Variants in TET3 observed in about 807,000 individuals in gnomAD.
The protein encoded by TET3 is tet methylcytosine dioxygenase 3.
Under a neutral mutation model 141.4 loss-of-function variants are expected in TET3, and 19 were observed. The observed-to-expected ratio is 0.13, with a 90% CI of 0.09 to 0.20. TET3 has a LOEUF of 0.20. Among genes scored for constraint, TET3 ranks in the 10% least tolerant of loss-of-function variants. The pLI is 1.00. For missense variants in TET3, 1,874 were observed against 2,356.9 expected, an observed-to-expected ratio of 0.80 and a Z score of 4.24; for synonymous variants, 1,043 against 980.9, an observed-to-expected ratio of 1.06 and a Z score of -1.18.
chr2:74,084,752 C>G (rs1447565744), intron 6 of TET3, among the ~76,000 whole-genome samples: 2 of 152,006 alleles, frequency 1.3e-5, no homozygotes, highest in Non-Finnish European at 2.9e-5. Flanking sequence ...CGCACCCAGC[C>G]CAGTGAGACC....
chr2:74,131,082 T>A, the TET3 span, among the ~76,000 whole-genome samples: 1 of 151,868 alleles, frequency 6.6e-6, no homozygotes, highest in East Asian at 1.9e-4. Flanking sequence ...CTGGTCTCGG[T>A]GCCTCCGCTC....
chr2:74,034,739 A>G (rs570255884), intron 3 of TET3, among the ~76,000 whole-genome samples: 1 of 152,280 alleles, frequency 6.6e-6, no homozygotes, highest in East Asian at 1.9e-4. Context: ...GCTGCCATGA[A>G]AATTTCTGTA....
At chr2:74,015,275 G>A (rs1307823626) in intron 3 of TET3, among the ~76,000 whole-genome samples, 4 of 152,244 alleles carry the variant, frequency 2.6e-5, no homozygotes, top group South Asian at 2.1e-4. Flanking sequence ...CAATGGTAGC[G>A]GATTGTTTTT....
chr2:74,104,278 T>A lies in TET3; in HGVS notation c.*2102T>A, dbSNP rs959912093. The A allele has an allele frequency of 6.6e-6, 1 of 152,234 alleles. No homozygotes were observed. The highest frequency in any genetic ancestry group is 1.5e-5 in the Non-Finnish European group (1 of 68,046). 9.4% of individuals were successfully genotyped at this position (152,234 alleles called of 1,614,324 possible). On this transcript the variant is annotated 3_prime_UTR_variant, in exon 12 of 12. Transcript: ENST00000409262. ...TTTTACAGGACAAAAAAATGAAATA[T>A]TATTGCTTTTGAAATAAATACCCAA...
In TET3 at chr2:74,046,402, C is replaced by T; in HGVS notation, c.485C>T (p.Pro162Leu). Residue 162 changes from proline (P) to leucine (L), a missense_variant, in exon 4 of 12, where the codon CCC (proline) becomes CTC (leucine). Physicochemically the swap from Pro to Leu is moderately conservative, Grantham distance 98 (BLOSUM62 -3). This residue lies in a region of TET3 where 366 missense variants were observed against 487.0 expected (regional missense o/e 0.75). Coordinates refer to ENST00000409262, the MANE Select transcript of TET3 (RefSeq NM_001287491.2). This position sits in a 1 kb window ranked among gnomAD's most constrained non-coding sequence, Gnocchi z 4.3. ...SGVPVNGARE[P>L]AGPSLLGTGG... ...GTGCCGGTCAATGGTGCTAGAGAGC[C>T]CGCTGGACCCAGTCTGCTGGGGACT... The T allele has an allele frequency of 6.4e-7, 1 of 1,571,920 alleles. No individual in the cohort carries two copies. Among genetic ancestry groups the T allele is most frequent in the South Asian group, 1.2e-5 (1 of 82,744 alleles).
At chr2:74,039,147 G>A (rs923774809) in intron 3 of TET3, among the ~76,000 whole-genome samples, 1 of 152,094 alleles carries the variant, frequency 6.6e-6, no homozygotes, top group Non-Finnish European at 1.5e-5. Flanking sequence ...TCAGGCTGTG[G>A]TCCACACACC....
chr2:74,095,163 G>A (rs1325363817), intron 10 of TET3, among the ~76,000 whole-genome samples: 4 of 152,170 alleles, frequency 2.6e-5, no homozygotes, highest in East Asian at 1.9e-4. Flanking sequence ...CCCAGATTCC[G>A]AGTGTAGCTT....
the TET3 span, among the ~76,000 whole-genome samples, chr2:74,129,816 AG>A: frequency 2.0e-5 from 3 of 151,002 alleles, no homozygotes; most frequent in Non-Finnish European, 4.4e-5. Flanking sequence ...GCTTTAGGCC[AG>A]GTGCAGTGGC....
chr2:74,051,007 C>T (rs576866726), intron 4 of TET3, among the ~76,000 whole-genome samples: 3 of 152,304 alleles, frequency 2.0e-5, no homozygotes. Context: ...TAGTTGTCAT[C>T]ATGGGAGATC....
chr2:74,089,827 G>A, intron 7 of TET3, 70 bp from the exon 8 acceptor site: 1 of 1,575,536 alleles, frequency 6.3e-7, no homozygotes, highest in Non-Finnish European at 8.6e-7. Flanking sequence ...GCCACCCCTT[G>A]AGGGAGGAGG....
chr2:74,008,941 C>T (rs574610861), intron 3 of TET3, among the ~76,000 whole-genome samples: 6 of 152,290 alleles, frequency 3.9e-5, no homozygotes, highest in South Asian at 4.1e-4. Flanking sequence ...ATTTTTCCCC[C>T]GTGTAATCCT....
chr2:74,045,039 A>T (rs1255181038), intron 3 of TET3, among the ~76,000 whole-genome samples: 2 of 152,234 alleles, frequency 1.3e-5, no homozygotes, highest in East Asian at 3.8e-4. Flanking sequence ...AAAGTCAAGA[A>T]AAACAATACA....
intron 4 of TET3, among the ~76,000 whole-genome samples, chr2:74,051,897 T>G (rs1032064672): frequency 2.0e-5 from 3 of 152,210 alleles, no homozygotes; most frequent in African/African-American, 7.2e-5. Flanking sequence ...ACAATGGTAG[T>G]AGAATGAAGA....
chr2:74,036,169 C>T (rs1387563582), intron 3 of TET3, among the ~76,000 whole-genome samples: 3 of 152,194 alleles, frequency 2.0e-5, no homozygotes, highest in African/African-American at 4.8e-5. Flanking sequence ...TGTTACTCAT[C>T]CCCAATTTAC....
chr2:74,000,081 C>T (rs552506118), intron 2 of TET3, among the ~76,000 whole-genome samples: 1 of 152,154 alleles, frequency 6.6e-6, no homozygotes, highest in East Asian at 1.9e-4. Context: ...CTCTGTGGCT[C>T]CTTCAGGCTG....
At chr2:74,125,820 C>G in the TET3 span, among the ~76,000 whole-genome samples, 1 of 152,212 alleles carries the variant, frequency 6.6e-6, no homozygotes, top group East Asian at 1.9e-4. Context: ...CAGGCATGAG[C>G]CACCATGCCC....
At position 74,105,265 on chromosome 2, in the gene TET3, T is replaced by A. The variant is rs1691431971; in HGVS notation, c.*3089T>A. The A allele has an allele frequency of 2.5e-6, 1 of 398,518 alleles. No homozygotes were observed. Among genetic ancestry groups the A allele is most frequent in the African/African-American group, 2.1e-5 (1 of 48,626 alleles). The allele number at this position is 398,518 out of a possible 1,614,324, so 24.7% of individuals were successfully genotyped here. ...TCTTAGTCATCTCCCCAGTGTGCCCTGTCCACGGACACCATCCACGTGCAG... is the reference window on the plus strand; with the variant it reads ...TCTTAGTCATCTCCCCAGTGTGCCCAGTCCACGGACACCATCCACGTGCAG... On this transcript the variant is annotated 3_prime_UTR_variant, in exon 12 of 12. Transcript: ENST00000409262.
intron 4 of TET3, among the ~76,000 whole-genome samples, chr2:74,061,783 T>G (rs7370548): frequency 4.2e-5 from 4 of 95,250 alleles, no homozygotes; most frequent in Non-Finnish European, 6.4e-5. Flanking sequence ...CCAGACGGGG[T>G]CGCGGCCGGG....
chr2:74,061,481 C>T (rs1688559662), intron 4 of TET3, among the ~76,000 whole-genome samples: 1 of 147,290 alleles, frequency 6.8e-6, no homozygotes, highest in Admixed American at 6.7e-5. Flanking sequence ...ACCCCCCCAC[C>T]TCCTTCCCGG....
Sources: allele counts gnomAD v4.1 joint callset (sites outside exome capture counted in the v4.1 genomes callset), GRCh38; gene constraint gnomAD v4.1.1; regional missense constraint gnomAD v4.1.1; non-coding constraint Gnocchi (gnomAD v3.1); transcripts MANE v1.5; gene names NCBI Gene and HGNC (gene_info 2026-07-23, HGNC 2026-07-21).